Variants in OTOA observed in about 807,000 individuals in gnomAD.
OTOA encodes the protein otoancorin.
A neutral mutation model predicts 110.8 loss-of-function variants in OTOA; 70 were observed. The ratio of observed to expected loss-of-function variants is 0.63; its 90% CI spans 0.52 to 0.77. OTOA has a LOEUF of 0.77. Ranked by LOEUF, OTOA falls within the 30% of genes least tolerant of loss-of-function variation. OTOA has a pLI of 0.00. For missense variants in OTOA, 917 were observed against 1,075.8 expected, an observed-to-expected ratio of 0.85 and a Z score of 2.06; for synonymous variants, 373 against 431.5, an observed-to-expected ratio of 0.86 and a Z score of 1.68.
At chr16:21,716,632 T>C (rs1898561930) in intron 14 of OTOA, among the ~76,000 whole-genome samples, 1 of 152,034 alleles carries the variant, frequency 6.6e-6, no homozygotes, top group African/African-American at 2.4e-5. Context: ...ACCTTGCAGA[T>C]AGCAAGTAGC....
intron 11 of OTOA, chr16:21,704,820 T>G (rs1597824328): frequency 1.4e-6 from 1 of 720,050 alleles, no homozygotes. Context: ...AGGCGGAGGG[T>G]AATGAGACTT....
intron 21 of OTOA, among the ~76,000 whole-genome samples, chr16:21,732,106 C>T (rs1314347991): frequency 1.3e-5 from 2 of 151,938 alleles, no homozygotes; most frequent in Admixed American, 6.6e-5. Context: ...GCTGGGATTA[C>T]AGGCCCCTGC....
intron 19 of OTOA, 122 bp from the exon 20 acceptor site, chr16:21,728,119 C>T (rs774116798): frequency 8.2e-6 from 10 of 1,223,788 alleles, no homozygotes; most frequent in Non-Finnish European, 1.2e-5. Context: ...TCTGCCTCGG[C>T]CTCCCAGAGT....
chr16:21,724,036 G>A (rs1295308890), intron 18 of OTOA, among the ~76,000 whole-genome samples: 1 of 152,120 alleles, frequency 6.6e-6, no homozygotes, highest in East Asian at 1.9e-4. Context: ...TTAGAGTGAG[G>A]GAGATGGTTC....
At chr16:21,707,735 T>C (rs971686633) in intron 12 of OTOA, among the ~76,000 whole-genome samples, 5 of 127,336 alleles carry the variant, frequency 3.9e-5, no homozygotes, top group Admixed American at 2.4e-4. Context: ...TCACTCTCTC[T>C]CTTTCTTTCT....
intron 1 of OTOA, among the ~76,000 whole-genome samples, chr16:21,667,924 C>T (rs1461268846): frequency 2.0e-5 from 3 of 152,098 alleles, no homozygotes; most frequent in Admixed American, 6.6e-5. Context: ...TCATGAGCCA[C>T]GCAAAATCAG....
chr16:21,716,924 C>T lies in OTOA; in HGVS notation c.1506C>T (p.Asp502=), dbSNP rs773468532. ...TCTGGCAGATGGTCCAAGCGGAAGA[C>T]ACTGCCCCAGGCATCGTGGAGATAC... The part of the protein sequence containing the change: ...GILSKMVQAE[D]TAPGIVEIQG... Residue 502 remains aspartate (D), a synonymous_variant, in exon 15 of 29, where the codon GAC becomes GAT. Coordinates refer to ENST00000646100, the MANE Select transcript of OTOA (RefSeq NM_144672.4). The T allele has an allele frequency of 6.2e-7, 1 of 1,613,972 alleles. No individual in the cohort carries two copies. The highest frequency in any genetic ancestry group is 1.7e-5 in the Admixed American group (1 of 59,978).
chr16:21,723,324 G>A (rs1488011530), intron 18 of OTOA, among the ~76,000 whole-genome samples: 1 of 152,142 alleles, frequency 6.6e-6, no homozygotes, highest in East Asian at 1.9e-4. Flanking sequence ...CCTGGCATGT[G>A]TGAGCTTTTG....
At chr16:21,668,522 A>T (rs1343797054) in intron 1 of OTOA, among the ~76,000 whole-genome samples, 9 of 131,914 alleles carry the variant, frequency 6.8e-5, no homozygotes, top group Non-Finnish European at 1.4e-4. Flanking sequence ...GTGCAATGGG[A>T]TGATCTCGGG....
chr16:21,734,432 T>C (rs1470743471), intron 21 of OTOA, among the ~76,000 whole-genome samples: 1 of 150,850 alleles, frequency 6.6e-6, no homozygotes, highest in Non-Finnish European at 1.5e-5. Context: ...CTAGGCTTAA[T>C]ACCTGGGTGA....
chr16:21,716,882 T>A lies in OTOA; in HGVS notation c.1489-25T>A, dbSNP rs765662566. ...GCTCAATGCATTTTTTACAATGTTG[T>A]TTTGTTGCTTCTCGCTTCTGGCAGA... On this transcript the variant is annotated intron_variant, in intron 14 of 28. Coordinates refer to ENST00000646100, the MANE Select transcript of OTOA (RefSeq NM_144672.4). 1.7e-5 allele frequency: 27 copies of A among 1,613,402 alleles called. No individual in the cohort carries two copies. In the Admixed American group the frequency reaches 3.2e-4, roughly 19 times the overall value.
intron 6 of OTOA, chr16:21,684,566 T>C (rs1966964203): frequency 6.5e-7 from 1 of 1,543,338 alleles, no homozygotes; most frequent in East Asian, 2.4e-5. Flanking sequence ...GGCCATGGAA[T>C]GGGGGAATCG....
At chr16:21,672,930 T>G (rs1321031936) in intron 1 of OTOA, among the ~76,000 whole-genome samples, 1 of 152,092 alleles carries the variant, frequency 6.6e-6, no homozygotes, top group Non-Finnish European at 1.5e-5. Context: ...GGAGGATTGC[T>G]TGAGGCCAGG....
intron 8 of OTOA, among the ~76,000 whole-genome samples, chr16:21,688,891 C>G (rs1012308632): frequency 1.3e-5 from 2 of 152,134 alleles, no homozygotes; most frequent in Non-Finnish European, 2.9e-5. Context: ...GGGTCTTGTT[C>G]CATTGATTTA....
chr16:21,715,198 T>C lies in OTOA; in HGVS notation c.1488+46T>C, dbSNP rs776884252. The stretch of plus-strand genomic sequence containing the variant: ...GCTCAGCCACATGTCACAGGGGGTA[T>C]GTTTTTGGGGTTGGTGAGTGGGCTG... On this transcript the variant is annotated intron_variant, in intron 14 of 28. Transcript: ENST00000646100. The C allele has an allele frequency of 2.5e-6, 4 of 1,612,862 alleles. No individual in the cohort carries two copies. In the East Asian group the frequency reaches 6.7e-5, roughly 27 times the overall value.
At chr16:21,714,918 GC>G in intron 13 of OTOA, 66 bp from the exon 14 acceptor site, 1 of 1,602,376 alleles carries the variant, frequency 6.2e-7, no homozygotes, top group Non-Finnish European at 8.5e-7. Flanking sequence ...ACATAGATGG[GC>G]TGAGTGCACG....
chr16:21,733,189 C>T (rs1434549684), intron 21 of OTOA, among the ~76,000 whole-genome samples: 1 of 118,358 alleles, frequency 8.4e-6, no homozygotes. Flanking sequence ...CAAGCCTCGC[C>T]AACATGGCGA....
At chr16:21,700,658 G>A (rs1005512217) in intron 10 of OTOA, among the ~76,000 whole-genome samples, 7 of 151,304 alleles carry the variant, frequency 4.6e-5, no homozygotes, top group African/African-American at 1.7e-4. Flanking sequence ...TCAGGAGGTG[G>A]AGGTTGCAGT....
chr16:21,697,837 C>G lies in OTOA; in HGVS notation c.802C>G (p.Leu268Val), dbSNP rs765116815. Reference protein sequence around the residue: ...LWVLGRYMVHLSFEEITKISP... With the variant: ...LWVLGRYMVHVSFEEITKISP... ...GGTTTTGGGCAGATACATGGTTCAC[C>G]TATCGTTTGAAGAAATTACGAAAAT... The change falls in exon 10 of 29, where the codon CTA becomes GTA. Residue 268 changes from leucine to valine, a missense_variant. Leu to Val is a conservative substitution (Grantham distance 32). Around this residue, in one of 6 missense-constraint regions of OTOA, gnomAD observed 840 missense variants for 910.2 expected, o/e 0.92. Coordinates refer to ENST00000646100, the MANE Select transcript of OTOA (RefSeq NM_144672.4). 1.2e-6 allele frequency: 2 copies of G among 1,614,054 alleles called. No homozygotes were observed. The highest frequency in any genetic ancestry group is 1.7e-6 in the Non-Finnish European group (2 of 1,179,986).
Sources: gnomAD v4.1 joint callset for allele counts (sites outside exome capture counted in the v4.1 genomes callset) on GRCh38, gnomAD v4.1.1 for gene constraint, gnomAD v4.1.1 regional missense constraint, MANE v1.5 for transcripts, NCBI Gene and HGNC (gene_info 2026-07-23, HGNC 2026-07-21) for gene names.